The following USP34 variants were observed in gnomAD, a reference collection of about 807,000 sequenced individuals.
The protein encoded by USP34 is ubiquitin carboxyl-terminal hydrolase 34.
USP34 carries 70 observed loss-of-function variants against 460.3 expected under a neutral mutation model. That is an observed-to-expected ratio of 0.15 (90% confidence interval 0.13 to 0.19). The LOEUF is 0.19. Among genes scored for constraint, USP34 ranks in the 10% least tolerant of loss-of-function variants. The pLI is 1.00. For missense variants in USP34, 3,985 were observed against 4,236.2 expected, an observed-to-expected ratio of 0.94 and a Z score of 1.65; for synonymous variants, 1,647 against 1,405.3, an observed-to-expected ratio of 1.17 and a Z score of -3.85.
chr2:61,350,159 ATTTTAAAAT>A, intron 12 of USP34, 92 bp downstream of exon 12: 1 of 1,299,470 alleles, frequency 7.7e-7, no homozygotes, highest in Non-Finnish European at 1.1e-6. Flanking sequence ...TCCCACACTT[ATTTTAAAAT>A]AAAGATTGAA....
intron 5 of USP34, among the ~76,000 whole-genome samples, chr2:61,394,492 T>C (rs969087534): frequency 7.6e-6 from 1 of 131,506 alleles, no homozygotes; most frequent in Non-Finnish European, 1.5e-5. Flanking sequence ...GCCCAGGAGG[T>C]AGAAGCTACA....
chr2:61,238,243 C>T (rs1688129367), intron 53 of USP34, among the ~76,000 whole-genome samples: 1 of 152,292 alleles, frequency 6.6e-6, no homozygotes, highest in Middle Eastern at 3.4e-3. Flanking sequence ...TCTTGGGCCA[C>T]TTTTCCTTGA....
chr2:61,455,805 A>C (rs1695420630), intron 1 of USP34, among the ~76,000 whole-genome samples: 1 of 152,224 alleles, frequency 6.6e-6, no homozygotes, highest in African/African-American at 2.4e-5. Flanking sequence ...GTTGATATGC[A>C]TTATCTTATT....
At chr2:61,391,860 A>AT (rs1317891762) in intron 5 of USP34, among the ~76,000 whole-genome samples, 1 of 152,206 alleles carries the variant, frequency 6.6e-6, no homozygotes, top group Non-Finnish European at 1.5e-5. Flanking sequence ...AATATTTTTT[A>AT]TAAGGAAAAG....
intron 5 of USP34, among the ~76,000 whole-genome samples, chr2:61,394,345 G>A (rs1196843593): frequency 6.6e-6 from 1 of 151,738 alleles, no homozygotes; most frequent in Non-Finnish European, 1.5e-5. Flanking sequence ...CAGAATCCCA[G>A]GAAGATCAAG....
chr2:61,451,104 C>T (rs1201944224), intron 1 of USP34, among the ~76,000 whole-genome samples: 2 of 149,898 alleles, frequency 1.3e-5, no homozygotes, highest in African/African-American at 4.9e-5. Flanking sequence ...GCCTATAATT[C>T]CAGCTACTCG....
chr2:61,445,737 C>T (rs1255248423), intron 1 of USP34, among the ~76,000 whole-genome samples: 1 of 152,088 alleles, frequency 6.6e-6, no homozygotes, highest in Non-Finnish European at 1.5e-5. Flanking sequence ...GCAAGCGGAT[C>T]ACGAGGTCAG....
intron 33 of USP34, among the ~76,000 whole-genome samples, chr2:61,289,270 T>C (rs1415787674): frequency 6.6e-6 from 1 of 152,182 alleles, no homozygotes; most frequent in African/African-American, 2.4e-5. Context: ...CAAAGTATTA[T>C]ATGCTGTGTC....
intron 34 of USP34, among the ~76,000 whole-genome samples, chr2:61,285,652 G>A (rs1396161101): frequency 1.3e-5 from 2 of 152,100 alleles, no homozygotes; most frequent in Non-Finnish European, 2.9e-5. Flanking sequence ...TTGGGAAGGG[G>A]TTGGTGAATA....
chr2:61,387,092 A>C (rs1693170322), intron 5 of USP34, among the ~76,000 whole-genome samples: 1 of 152,184 alleles, frequency 6.6e-6, no homozygotes, highest in Non-Finnish European at 1.5e-5. Context: ...CGAGAGATTT[A>C]AACAGGTACT....
chr2:61,383,447 G>T, intron 5 of USP34, 111 bp from the exon 6 acceptor site: 1 of 687,206 alleles, frequency 1.5e-6, no homozygotes, highest in Non-Finnish European at 2.3e-6. Context: ...GCTCACGCCT[G>T]TAATCCCAGC....
chr2:61,212,014 A>G, intron 68 of USP34, 85 bp from the exon 69 acceptor site: 2 of 1,380,230 alleles, frequency 1.4e-6, no homozygotes, highest in South Asian at 1.4e-5. Context: ...TCATTAATCA[A>G]CTCTTAAAAT....
intron 21 of USP34, among the ~76,000 whole-genome samples, chr2:61,323,419 G>A (rs1309112914): frequency 3.3e-5 from 5 of 151,746 alleles, no homozygotes; most frequent in African/African-American, 1.2e-4. Context: ...GGAGGCTGAG[G>A]CAAGAGAATG....
chr2:61,271,749 G>T (rs972537267), intron 41 of USP34, among the ~76,000 whole-genome samples: 1 of 152,132 alleles, frequency 6.6e-6, no homozygotes, highest in Non-Finnish European at 1.5e-5. Flanking sequence ...TAGTGTTGCT[G>T]ATGACAGATT....
chr2:61,253,367 T>C (rs941456420), intron 48 of USP34, among the ~76,000 whole-genome samples: 5 of 152,198 alleles, frequency 3.3e-5, no homozygotes, highest in Non-Finnish European at 7.3e-5. Flanking sequence ...ACTCATTTAT[T>C]ATATTCCTCT....
At chr2:61,434,079 G>A (rs1694748564) in intron 1 of USP34, among the ~76,000 whole-genome samples, 1 of 152,150 alleles carries the variant, frequency 6.6e-6, no homozygotes. Flanking sequence ...CAAAGTAGTG[G>A]AGGCCCGCAA....
rs1226375196 is a variant in USP34, at chr2:61,206,780, C to T, written c.9026G>A (p.Arg3009His). 1 of 1,613,616 alleles carries T rather than the reference C, an allele frequency of 6.2e-7. No homozygotes were observed. Among genetic ancestry groups the T allele is most frequent in the East Asian group, 2.2e-5 (1 of 44,862 alleles). ...SIFLSVLKST[R>H]PYLQRKDVKQ... The stretch of plus-strand genomic sequence containing the variant: ...CAAACCTTTTCTCTGAAGATAAGGG[C>T]GTGTAGACTTCAAAACCGAAAGAAA... The change falls in exon 71 of 80, where the codon CGC (arginine) becomes CAC (histidine). Residue 3009 changes from arginine to histidine, a missense_variant. By Grantham distance (29) the Arg-to-His change is conservative (BLOSUM62 0). Coordinates refer to ENST00000398571, the MANE Select transcript of USP34 (RefSeq NM_014709.4).
intron 43 of USP34, 55 bp from the exon 44 acceptor site, chr2:61,259,831 G>A: frequency 6.5e-7 from 1 of 1,548,230 alleles, no homozygotes; most frequent in Admixed American, 1.7e-5. Flanking sequence ...TAGTAAATTA[G>A]GCATTCTAGC....
intron 53 of USP34, among the ~76,000 whole-genome samples, 167 bp downstream of exon 53, chr2:61,241,393 C>T (rs569815011): frequency 2.0e-5 from 3 of 152,232 alleles, no homozygotes; most frequent in African/African-American, 7.2e-5. Flanking sequence ...CATTCATTTT[C>T]ATTTACGGGT....
Sources: allele counts gnomAD v4.1 joint callset (sites outside exome capture counted in the v4.1 genomes callset), GRCh38; gene constraint gnomAD v4.1.1; transcripts MANE v1.5; gene names NCBI Gene and HGNC (gene_info 2026-07-23, HGNC 2026-07-21).